Variants in CLTRN observed in about 807,000 individuals in gnomAD.
CLTRN encodes the protein collectrin, amino acid transport regulator, also known as collectrin.
Under a neutral mutation model 14.5 loss-of-function variants are expected in CLTRN, and 12 were observed. The observed-to-expected ratio is 0.83, with a 90% confidence interval of 0.53 to 1.34. The LOEUF (loss-of-function observed/expected upper bound fraction) is 1.34, where lower values mean the gene tolerates loss of function less well. Among genes scored for constraint, CLTRN ranks in the 40% most tolerant of loss-of-function variants. The pLI is 0.00. For missense variants in CLTRN, 154 were observed against 165.1 expected, an observed-to-expected ratio of 0.93 and a Z score of 0.37; for synonymous variants, 58 against 56.5, an observed-to-expected ratio of 1.03 and a Z score of -0.12.
At chrX:15,637,442 A>G (rs1005399509) in intron 5 of CLTRN, among the ~76,000 whole-genome samples, 1 of 112,023 alleles carries the variant, frequency 8.9e-6, no homozygotes, top group Non-Finnish European at 1.9e-5. Flanking sequence ...GAAGGTTGTC[A>G]TAATTTTCCT....
chrX:15,639,911 G>T (rs921104890), intron 4 of CLTRN, among the ~76,000 whole-genome samples, 155 bp from the exon 5 acceptor site: 1 of 112,190 alleles, frequency 8.9e-6, no homozygotes, highest in Non-Finnish European at 1.9e-5. Flanking sequence ...GTTTGCTGAG[G>T]GCAATCATGC....
chrX:15,654,385 C>T (rs1208756031), intron 3 of CLTRN, among the ~76,000 whole-genome samples: 1 of 112,644 alleles, frequency 8.9e-6, no homozygotes, highest in East Asian at 2.7e-4. Context: ...TATTAAGTTT[C>T]CAGTTGACCT....
chrX:15,657,477 T>C (rs1250622078), intron 3 of CLTRN, among the ~76,000 whole-genome samples: 1 of 112,625 alleles, frequency 8.9e-6, no homozygotes. Flanking sequence ...TTAATTTAAC[T>C]TAGTCATGTA....
chrX:15,644,861 T>C, intron 4 of CLTRN, 55 bp downstream of exon 4: 1 of 760,279 alleles, frequency 1.3e-6, no homozygotes, highest in Non-Finnish European at 1.9e-6. Flanking sequence ...TTAAAAACAG[T>C]TGAATTAATC....
chrX:15,652,898 T>C (rs1014851766), intron 3 of CLTRN, among the ~76,000 whole-genome samples: 1 of 111,070 alleles, frequency 9.0e-6, no homozygotes, highest in Non-Finnish European at 1.9e-5. Flanking sequence ...CTGGCCAACA[T>C]GGTGAAACCC....
At chrX:15,650,004 A>G (rs1929178794) in intron 3 of CLTRN, among the ~76,000 whole-genome samples, 1 of 104,573 alleles carries the variant, frequency 9.6e-6, no homozygotes, top group Admixed American at 1.1e-4. Context: ...CAATAGCACC[A>G]TTAACATTTT....
At chrX:15,654,494 A>T (rs1011622976) in intron 3 of CLTRN, among the ~76,000 whole-genome samples, 12 of 112,233 alleles carry the variant, frequency 1.1e-4, no homozygotes, top group African/African-American at 3.9e-4. Context: ...ATCTGGCCTA[A>T]ATCATATTTT....
chrX:15,660,180 TG>T (rs760133631), intron 2 of CLTRN, among the ~76,000 whole-genome samples: 5 of 111,863 alleles, frequency 4.5e-5, no homozygotes. Flanking sequence ...TCCTCTTTGG[TG>T]GCAGGGAGGA....
chrX:15,641,574 G>A (rs928624139), intron 4 of CLTRN, among the ~76,000 whole-genome samples: 19 of 109,572 alleles, frequency 1.7e-4, no homozygotes, highest in African/African-American at 6.0e-4. Flanking sequence ...CTGGGCTCAA[G>A]CAATCCTCCT....
Position 15,640,293 on chromosome X carries a change from C to T in CLTRN, c.318-537G>A, listed in dbSNP as rs142468887. Among the ~76,000 whole-genome samples the T allele has an allele frequency of 4.6e-3, 522 of 112,513 alleles. 2 individuals are homozygous for T. Among genetic ancestry groups the T allele is most frequent in the Non-Finnish European group, 8.2e-3 (435 of 53,237 alleles). On this transcript the variant is annotated intron_variant, in intron 4 of 5. Transcript: ENST00000380342. ...CCTTCCCTAGAAATTTCTGCATAAA[C>T]TGCTCCTTAATCTACATGTAATTAA... is the stretch of plus-strand genomic sequence containing the variant.
chrX:15,638,826 AC>A (rs1928875533), intron 5 of CLTRN, among the ~76,000 whole-genome samples: 1 of 112,053 alleles, frequency 8.9e-6, no homozygotes, highest in Non-Finnish European at 1.9e-5. Flanking sequence ...ATCTAGGTAA[AC>A]GAACTCAAGA....
At chrX:15,658,709 A>ATT (rs1401368359) in intron 3 of CLTRN, among the ~76,000 whole-genome samples, 1 of 55,101 alleles carries the variant, frequency 1.8e-5, no homozygotes, top group Non-Finnish European at 2.7e-5. Flanking sequence ...CTGCAAGAAA[A>ATT]TTATATATAT....
intron 1 of CLTRN, 87 bp from the exon 2 acceptor site, chrX:15,664,482 C>T: frequency 4.9e-6 from 4 of 812,714 alleles, no homozygotes; most frequent in Non-Finnish European, 7.1e-6. Context: ...TGTAATGCAA[C>T]TCAAACTAAT....
intron 3 of CLTRN, among the ~76,000 whole-genome samples, chrX:15,656,727 G>T (rs1929373692): frequency 9.0e-6 from 1 of 111,094 alleles, no homozygotes; most frequent in African/African-American, 3.3e-5. Context: ...CTTCCAATAT[G>T]GCAGTGCATG....
At chrX:15,660,569 C>T (rs1190117510) in intron 2 of CLTRN, among the ~76,000 whole-genome samples, 1 of 107,172 alleles carries the variant, frequency 9.3e-6, no homozygotes, top group African/African-American at 3.4e-5. Context: ...TTTGGGAGGC[C>T]AAGATGGGTG....
intron 2 of CLTRN, among the ~76,000 whole-genome samples, chrX:15,659,910 C>G (rs919040030): frequency 1.8e-5 from 2 of 112,174 alleles, no homozygotes; most frequent in Non-Finnish European, 3.8e-5. Context: ...GTTATGGCAA[C>G]CCTAGCAAAT....
chrX:15,664,209 C>G (rs1029546575), intron 2 of CLTRN, 128 bp downstream of exon 2: 13 of 445,692 alleles, frequency 2.9e-5, no homozygotes, highest in Admixed American at 8.4e-5. Flanking sequence ...TTTAAGAAAT[C>G]AGATTTGAGG....
chrX:15,635,671 T>C (rs1015781554), intron 5 of CLTRN, among the ~76,000 whole-genome samples: 2 of 111,614 alleles, frequency 1.8e-5, no homozygotes, highest in South Asian at 3.7e-4. Context: ...CCTGAAACTA[T>C]AAAACTACTA....
intron 1 of CLTRN, among the ~76,000 whole-genome samples, chrX:15,671,881 CACA>C (rs1454562647): frequency 5.1e-5 from 3 of 58,464 alleles, no homozygotes; most frequent in Middle Eastern, 6.1e-3. Flanking sequence ...CACACACACA[CACA>C]ATTTCCAGTA....
Sources: gnomAD v4.1 joint callset for allele counts (sites outside exome capture counted in the v4.1 genomes callset) on GRCh38, gnomAD v4.1.1 for gene constraint, MANE v1.5 for transcripts, NCBI Gene and HGNC (gene_info 2026-07-23, HGNC 2026-07-21) for gene names.